The following ADK variants were observed in gnomAD, a reference collection of about 807,000 sequenced individuals.
ADK encodes N6,N6-dimethyladenosine kinase.
In ADK, 24 loss-of-function variants were observed where a neutral mutation model predicts 44.7. The ratio of observed to expected loss-of-function variants is 0.54; its 90% confidence interval spans 0.39 to 0.76. ADK has a LOEUF of 0.76. ADK is among the 30% of genes least tolerant of loss of function. ADK has a pLI of 0.00. For synonymous variants in ADK, 128 were observed against 142.6 expected, an observed-to-expected ratio of 0.90 and a Z score of 0.73; for missense variants, 321 against 425.1, an observed-to-expected ratio of 0.76 and a Z score of 2.15.
chr10:74,404,717 T>C (rs533833774), intron 6 of ADK, among the ~76,000 whole-genome samples: 55 of 152,168 alleles, frequency 3.6e-4, no homozygotes, highest in Non-Finnish European at 5.6e-4. Context: ...CCAGGTGCGG[T>C]GGCTCACACC....
chr10:74,311,357 T>C (rs970505781), intron 3 of ADK, among the ~76,000 whole-genome samples: 1 of 152,158 alleles, frequency 6.6e-6, no homozygotes, highest in African/African-American at 2.4e-5. Flanking sequence ...AGGTGGAAAA[T>C]TAAACGCTTA....
intron 7 of ADK, among the ~76,000 whole-genome samples, chr10:74,542,932 G>C (rs545923577): frequency 6.6e-6 from 1 of 150,688 alleles, no homozygotes; most frequent in Non-Finnish European, 1.5e-5. Flanking sequence ...ATGGAGTCTC[G>C]CTCTGTCACC....
chr10:74,317,613 G>T (rs953434912), intron 4 of ADK, among the ~76,000 whole-genome samples: 5 of 151,410 alleles, frequency 3.3e-5, no homozygotes, highest in African/African-American at 1.2e-4. Context: ...TTGGATATGT[G>T]CCTAAAAGAT....
chr10:74,433,618 T>A (rs1845074962), intron 6 of ADK, among the ~76,000 whole-genome samples: 2 of 152,210 alleles, frequency 1.3e-5, no homozygotes, highest in Admixed American at 6.5e-5. Context: ...AGGTATATAG[T>A]CATAATATAA....
At chr10:74,507,149 G>T (rs1848111413) in intron 6 of ADK, among the ~76,000 whole-genome samples, 1 of 152,022 alleles carries the variant, frequency 6.6e-6, no homozygotes, top group African/African-American at 2.4e-5. Context: ...TTAGGCATTT[G>T]TTAGCATACC....
chr10:74,196,979 T>C (rs532861319), intron 1 of ADK, among the ~76,000 whole-genome samples: 1 of 152,336 alleles, frequency 6.6e-6, no homozygotes, highest in South Asian at 2.1e-4. Flanking sequence ...GGCAGCCACA[T>C]TGAAGCCATT....
At chr10:74,609,033 A>G (rs2133988321) in intron 9 of ADK, among the ~76,000 whole-genome samples, 1 of 152,180 alleles carries the variant, frequency 6.6e-6, no homozygotes, top group East Asian at 1.9e-4. Flanking sequence ...CTTTGTTTAC[A>G]CTGTTAGGGG....
chr10:74,406,018 C>G (rs1297615324), intron 6 of ADK, among the ~76,000 whole-genome samples: 1 of 152,186 alleles, frequency 6.6e-6, no homozygotes, highest in Non-Finnish European at 1.5e-5. Context: ...CCCAGACTCT[C>G]AGTTGTATTT....
At chr10:74,405,496 G>GT (rs1843888065) in intron 6 of ADK, among the ~76,000 whole-genome samples, 2 of 150,058 alleles carry the variant, frequency 1.3e-5, no homozygotes, top group South Asian at 4.2e-4. Flanking sequence ...TATACTTTAA[G>GT]TTTTAGGGTA....
At chr10:74,619,682 T>A (rs772120605) in intron 9 of ADK, among the ~76,000 whole-genome samples, 1 of 152,168 alleles carries the variant, frequency 6.6e-6, no homozygotes, top group Non-Finnish European at 1.5e-5. Flanking sequence ...AATTTCCACA[T>A]AATAATTGCA....
At chr10:74,353,046 G>A (rs372480835) in intron 4 of ADK, among the ~76,000 whole-genome samples, 5 of 152,144 alleles carry the variant, frequency 3.3e-5, no homozygotes, top group African/African-American at 7.2e-5. Context: ...CCATTTGACC[G>A]AGCAATCCCA....
intron 7 of ADK, among the ~76,000 whole-genome samples, chr10:74,549,773 A>G (rs1849964528): frequency 6.6e-6 from 1 of 152,098 alleles, no homozygotes; most frequent in Admixed American, 6.6e-5. Context: ...GGGTATTTCA[A>G]TTTGCTTTTA....
At chr10:74,368,081 A>G (rs565062533) in intron 4 of ADK, among the ~76,000 whole-genome samples, 110 of 152,356 alleles carry the variant, frequency 7.2e-4, no homozygotes, top group Middle Eastern at 3.4e-3. Context: ...GTTGACCAAG[A>G]TGATGTTTGG....
chr10:74,670,133 T>C (rs1180561376), intron 9 of ADK, 50 bp from the exon 10 acceptor site: 1 of 1,382,440 alleles, frequency 7.2e-7, no homozygotes. Flanking sequence ...GAGCTTGTAT[T>C]GAGTGTTACA....
chr10:74,366,152 A>T (rs1234500775), intron 4 of ADK, among the ~76,000 whole-genome samples: 1 of 152,126 alleles, frequency 6.6e-6, no homozygotes, highest in African/African-American at 2.4e-5. Context: ...CCATATTTTG[A>T]CTTTTGATGT....
At chr10:74,265,811 A>G (rs1846193264) in intron 3 of ADK, among the ~76,000 whole-genome samples, 1 of 152,220 alleles carries the variant, frequency 6.6e-6, no homozygotes, top group Non-Finnish European at 1.5e-5. Context: ...TATATGGGTC[A>G]TATGGGTAGT....
chr10:74,341,415 A>T (rs1423552480), intron 4 of ADK, among the ~76,000 whole-genome samples: 2 of 151,088 alleles, frequency 1.3e-5, no homozygotes, highest in Non-Finnish European at 2.9e-5. Context: ...AATCCTAGCT[A>T]CTCGGGAGGC....
intron 6 of ADK, among the ~76,000 whole-genome samples, chr10:74,499,081 C>T (rs1847795447): frequency 6.6e-6 from 1 of 152,054 alleles, no homozygotes; most frequent in African/African-American, 2.4e-5. Flanking sequence ...AGACAGGGTC[C>T]CACTCTGTCA....
intron 8 of ADK, among the ~76,000 whole-genome samples, chr10:74,590,440 ACATGTT>A (rs1308913274): frequency 6.6e-6 from 1 of 152,146 alleles, no homozygotes; most frequent in Admixed American, 6.6e-5. Context: ...GCAAAGTAAT[ACATGTT>A]CATGTTATTC....
Sources: gnomAD v4.1 joint callset for allele counts (sites outside exome capture counted in the v4.1 genomes callset) on GRCh38, gnomAD v4.1.1 for gene constraint, MANE v1.5 for transcripts, NCBI Gene and HGNC (gene_info 2026-07-23, HGNC 2026-07-21) for gene names.